The following PRELID2 variants were observed in gnomAD, a reference collection of about 807,000 sequenced individuals.
PRELID2 encodes the protein PRELI domain containing 2.
In PRELID2, 25 loss-of-function variants were observed where a neutral mutation model predicts 28.4. The observed-to-expected ratio is 0.88, with a 90% CI of 0.64 to 1.23. The LOEUF (loss-of-function observed/expected upper bound fraction) is 1.23. Ranked by LOEUF, PRELID2 falls within the 50% of genes most tolerant of loss-of-function variation. The probability of loss-of-function intolerance (pLI) is 0.00; values close to 1 mark genes in which losing one functional copy is unlikely to be tolerated. For synonymous variants in PRELID2, 76 were observed against 71.6 expected (o/e 1.06, Z -0.31); for missense variants, 201 against 214.4 (o/e 0.94, Z 0.39).
intron 1 of PRELID2, among the ~76,000 whole-genome samples, chr5:145,554,223 A>G (rs1173322470): frequency 6.6e-6 from 1 of 152,176 alleles, no homozygotes; most frequent in African/African-American, 2.4e-5. Flanking sequence ...CGAGGCTAGA[A>G]CCCCAAAAAA....
chr5:145,441,472 A>G, the PRELID2 span, among the ~76,000 whole-genome samples: 1 of 152,092 alleles, frequency 6.6e-6, no homozygotes, highest in African/African-American at 2.4e-5. Context: ...TTTCCACATT[A>G]CAAACTGAGT....
At chr5:145,345,249 A>C in the PRELID2 span, among the ~76,000 whole-genome samples, 1 of 152,018 alleles carries the variant, frequency 6.6e-6, no homozygotes, top group Non-Finnish European at 1.5e-5. Flanking sequence ...TAAGCCCTGG[A>C]GACATAAAGG....
At chr5:145,343,485 T>A in the PRELID2 span, among the ~76,000 whole-genome samples, 1 of 150,646 alleles carries the variant, frequency 6.6e-6, no homozygotes, top group Non-Finnish European at 1.5e-5. Context: ...AAAAAAAACA[T>A]AACATGTCAA....
At chr5:145,254,586 C>T in the PRELID2 span, among the ~76,000 whole-genome samples, 1 of 152,000 alleles carries the variant, frequency 6.6e-6, no homozygotes, top group African/African-American at 2.4e-5. Flanking sequence ...CTGAGAGAAA[C>T]CCTACAGGTC....
chr5:145,489,648 C>T (rs977523405), intron 1 of PRELID2, among the ~76,000 whole-genome samples: 3 of 152,144 alleles, frequency 2.0e-5, no homozygotes, highest in Non-Finnish European at 4.4e-5. Flanking sequence ...AGCTTAAAAG[C>T]GAGCAGGGAT....
chr5:145,559,164 A>G (rs973950312), intron 1 of PRELID2, among the ~76,000 whole-genome samples: 4 of 152,116 alleles, frequency 2.6e-5, no homozygotes, highest in Admixed American at 2.6e-4. Context: ...CTGAGGCAGG[A>G]GAATGGCATG....
At chr5:145,481,389 A>G (rs1254215171) in intron 1 of PRELID2, among the ~76,000 whole-genome samples, 3 of 152,004 alleles carry the variant, frequency 2.0e-5, no homozygotes, top group Admixed American at 2.0e-4. Context: ...TTGTCCTCAG[A>G]ATTGAACACA....
At chr5:145,398,193 G>A in the PRELID2 span, among the ~76,000 whole-genome samples, 1 of 152,030 alleles carries the variant, frequency 6.6e-6, no homozygotes, top group Non-Finnish European at 1.5e-5. Context: ...ATCCCTCAGG[G>A]AACAACTGGG....
intron 1 of PRELID2, among the ~76,000 whole-genome samples, chr5:145,560,823 G>A (rs116509259): frequency 6.6e-6 from 1 of 152,294 alleles, no homozygotes; most frequent in African/African-American, 2.4e-5. Flanking sequence ...TCCCAGTGCA[G>A]TTAGGGCTGT....
the PRELID2 span, among the ~76,000 whole-genome samples, chr5:145,382,741 G>A: frequency 6.6e-6 from 1 of 151,936 alleles, no homozygotes; most frequent in South Asian, 2.1e-4. Context: ...GGCTGGTCTA[G>A]TGGCAACACA....
chr5:145,387,137 G>C, the PRELID2 span, among the ~76,000 whole-genome samples: 1 of 152,110 alleles, frequency 6.6e-6, no homozygotes, highest in Admixed American at 6.5e-5. Context: ...GCATGACCAG[G>C]TATACTTACT....
the PRELID2 span, among the ~76,000 whole-genome samples, chr5:145,249,941 C>T: frequency 6.9e-6 from 1 of 144,422 alleles, no homozygotes; most frequent in East Asian, 2.1e-4. Context: ...CTCTCTGTCT[C>T]TCTCTCTCTC....
intron 1 of PRELID2, among the ~76,000 whole-genome samples, chr5:145,740,292 A>ATATATATATATATATT (rs1756626843): frequency 1.1e-5 from 1 of 91,468 alleles, no homozygotes; most frequent in African/African-American, 4.6e-5. Context: ...ATATATATAT[A>ATATATATATATATATT]TATATATATA....
At chr5:145,347,402 G>A in the PRELID2 span, among the ~76,000 whole-genome samples, 2 of 152,116 alleles carry the variant, frequency 1.3e-5, no homozygotes, top group African/African-American at 4.8e-5. Flanking sequence ...TAGTCATGTC[G>A]AGTGGAGCAT....
chr5:145,283,108 CT>C, the PRELID2 span, among the ~76,000 whole-genome samples: 6 of 152,180 alleles, frequency 3.9e-5, no homozygotes, highest in Non-Finnish European at 2.9e-5. Context: ...TCAGCCGCCC[CT>C]AGAATCAGCA....
the PRELID2 span, among the ~76,000 whole-genome samples, chr5:145,314,737 A>T: frequency 6.6e-6 from 1 of 152,006 alleles, no homozygotes. Context: ...TGGGCACTAT[A>T]AATTAAGGTC....
intron 1 of PRELID2, among the ~76,000 whole-genome samples, chr5:145,828,206 ATACT>A (rs1257875005): frequency 6.6e-6 from 1 of 152,212 alleles, no homozygotes; most frequent in Non-Finnish European, 1.5e-5. Context: ...ATGAGAATAA[ATACT>A]TACCTCAAAG....
At chr5:145,556,059 T>C (rs1054584946) in intron 1 of PRELID2, among the ~76,000 whole-genome samples, 10 of 151,438 alleles carry the variant, frequency 6.6e-5, no homozygotes, top group African/African-American at 1.9e-4. Context: ...GTGCCTGTAG[T>C]CCTAGCTACT....
chr5:145,801,356 G>C (rs1753128072), intron 4 of PRELID2, among the ~76,000 whole-genome samples: 1 of 151,994 alleles, frequency 6.6e-6, no homozygotes, highest in Non-Finnish European at 1.5e-5. Flanking sequence ...TTTGTAGCTT[G>C]TGTCTTAAGA....
Sources: allele counts gnomAD v4.1 joint callset (sites outside exome capture counted in the v4.1 genomes callset), GRCh38; gene constraint gnomAD v4.1.1; transcripts MANE v1.5; gene names NCBI Gene and HGNC (gene_info 2026-07-23, HGNC 2026-07-21).